DCHS2: variants seen among roughly 807,000 people sequenced by gnomAD.
DCHS2 encodes dachsous cadherin-related 2.
In DCHS2, 142 loss-of-function variants were observed where a neutral mutation model predicts 182.4. The observed-to-expected ratio is 0.78, with a 90% CI of 0.68 to 0.89. DCHS2 has a LOEUF of 0.89. Among genes scored for constraint, DCHS2 ranks in the 40% least tolerant of loss-of-function variants. The pLI is 0.00. For synonymous variants in DCHS2, 1,740 were observed against 1,663.3 expected (o/e 1.05, Z -1.12); for missense variants, 4,319 against 4,198.6 (o/e 1.03, Z -0.79).
At chr4:154,342,280 GC>G (rs1463056920) in intron 3 of DCHS2, among the ~76,000 whole-genome samples, 1 of 152,132 alleles carries the variant, frequency 6.6e-6, no homozygotes. Context: ...TGGTGGAGGG[GC>G]TTGCCTCAAT....
intron 10 of DCHS2, among the ~76,000 whole-genome samples, chr4:154,307,359 G>T (rs1020429672): frequency 6.6e-6 from 1 of 152,152 alleles, no homozygotes; most frequent in African/African-American, 2.4e-5. Context: ...AGATATGTGT[G>T]TGTGTGTGCC....
Position 154,240,534 on chromosome 4 carries a change from T to C in DCHS2, c.7359+3A>G. 1 of 1,613,124 alleles carries C rather than the reference T, an allele frequency of 6.2e-7. No individual in the cohort carries two copies. The highest frequency in any genetic ancestry group is 8.5e-7 in the Non-Finnish European group (1 of 1,179,372). On this transcript the variant is annotated splice_donor_region_variant and intron_variant, in intron 18 of 19. Coordinates refer to ENST00000357232, the MANE Select transcript of DCHS2 (RefSeq NM_001358235.2). The stretch of plus-strand genomic sequence containing the variant: ...GGTTTCGGCATCTCTTTAAGCCCTT[T>C]ACCTGATAGAAATCTTGAGAAAACA...
chr4:154,403,403 AGAT>A (rs1362216964), intron 1 of DCHS2, among the ~76,000 whole-genome samples: 1 of 152,170 alleles, frequency 6.6e-6, no homozygotes, highest in African/African-American at 2.4e-5. Context: ...GCATTTATTT[AGAT>A]GATTATATAA....
intron 13 of DCHS2, among the ~76,000 whole-genome samples, chr4:154,280,792 A>T (rs1255962125): frequency 1.3e-5 from 2 of 151,874 alleles, no homozygotes; most frequent in South Asian, 2.1e-4. Flanking sequence ...AAAAGCATTT[A>T]TGCTAAGATA....
At chr4:154,255,783 A>T in intron 15 of DCHS2, 113 bp from the exon 16 acceptor site, 5 of 1,390,784 alleles carry the variant, frequency 3.6e-6, no homozygotes, top group Non-Finnish European at 4.7e-6. Flanking sequence ...CATATTTTAA[A>T]AACAACGATG....
intron 1 of DCHS2, among the ~76,000 whole-genome samples, chr4:154,454,267 G>A (rs1734667205): frequency 6.6e-6 from 1 of 151,932 alleles, no homozygotes; most frequent in South Asian, 2.1e-4. Flanking sequence ...GTTTTGAGAT[G>A]GTGTATCTCT....
intron 1 of DCHS2, among the ~76,000 whole-genome samples, chr4:154,464,239 C>T (rs185974316): frequency 6.6e-6 from 1 of 152,188 alleles, no homozygotes; most frequent in African/African-American, 2.4e-5. Context: ...AAATGCTTTG[C>T]GACTTAAGTA....
intron 1 of DCHS2, among the ~76,000 whole-genome samples, chr4:154,409,434 C>T (rs931514792): frequency 2.0e-5 from 3 of 152,124 alleles, no homozygotes; most frequent in Non-Finnish European, 2.9e-5. Flanking sequence ...CCCTGTTCAC[C>T]GAACTCAAAC....
chr4:154,260,046 A>T (rs1035179215), intron 14 of DCHS2, among the ~76,000 whole-genome samples: 2 of 151,850 alleles, frequency 1.3e-5, no homozygotes, highest in African/African-American at 4.8e-5. Context: ...CTGGTCTCGA[A>T]CTCCTGACCT....
In DCHS2 at chr4:154,232,040, CACA is replaced by C. The variant is rs1267419173; in HGVS notation, c.*2493_*2495del. On this transcript the variant is annotated 3_prime_UTR_variant, in exon 20 of 20. Transcript: ENST00000357232. ...GAATTTCATCAGGCAGCCAAAATTC[CACA>C]AGAGACAACTGTCTTTTATTTTATA... The C allele has an allele frequency of 6.6e-6, 1 of 151,686 alleles. No individual in the cohort carries two copies. The highest frequency in any genetic ancestry group is 1.5e-5 in the Non-Finnish European group (1 of 68,006). 9.4% of individuals were successfully genotyped at this position (151,686 alleles called of 1,614,324 possible).
chr4:154,396,196 G>T (rs1403088334), intron 1 of DCHS2, among the ~76,000 whole-genome samples: 2 of 143,796 alleles, frequency 1.4e-5, no homozygotes, highest in Non-Finnish European at 3.1e-5. Context: ...ATTCTCAGCA[G>T]TAGAAGTGTA....
rs141724331 is a variant in DCHS2 at position 154,339,778 on chromosome 4, T to C, written c.2477-4674A>G. 5.4e-3 allele frequency among the ~76,000 whole-genome samples: 823 copies of C among 152,254 alleles called. 4 individuals carry two copies. Among genetic ancestry groups the C allele is most frequent in the South Asian group, 0.016 (79 of 4,822 alleles). ...TTTTAAAATCATGGTATATCTCTAT[T>C]TAATGTAAAAGAAAAATTCATGAAA... On this transcript the variant is annotated intron_variant, in intron 3 of 19. Coordinates refer to ENST00000357232, the MANE Select transcript of DCHS2 (RefSeq NM_001358235.2).
At chr4:154,375,243 T>C (rs1730835468) in intron 2 of DCHS2, among the ~76,000 whole-genome samples, 1 of 152,012 alleles carries the variant, frequency 6.6e-6, no homozygotes, top group Admixed American at 6.6e-5. Flanking sequence ...AGAGAACATC[T>C]TCATATCCCT....
chr4:154,469,198 G>C (rs2111014178), intron 1 of DCHS2, among the ~76,000 whole-genome samples: 2 of 117,408 alleles, frequency 1.7e-5, no homozygotes, highest in East Asian at 5.3e-4. Context: ...GGTGAACTGG[G>C]TAGACACAGG....
At chr4:154,488,864 T>G (rs1728678648) in intron 1 of DCHS2, among the ~76,000 whole-genome samples, 1 of 151,562 alleles carries the variant, frequency 6.6e-6, no homozygotes, top group Non-Finnish European at 1.5e-5. Flanking sequence ...AGAGTGACAC[T>G]CTGTTTGACA....
chr4:154,277,823 C>T (rs1257306439), intron 13 of DCHS2, among the ~76,000 whole-genome samples: 1 of 151,924 alleles, frequency 6.6e-6, no homozygotes, highest in Non-Finnish European at 1.5e-5. Context: ...GGTGGATCAC[C>T]TGAGGTCAGG....
chr4:154,487,643 G>A (rs1439274626), intron 1 of DCHS2, among the ~76,000 whole-genome samples: 1 of 152,162 alleles, frequency 6.6e-6, no homozygotes, highest in Non-Finnish European at 1.5e-5. Flanking sequence ...TTACTTTGCA[G>A]TAGCACCTCA....
At chr4:154,464,798 G>A (rs1180197587) in intron 1 of DCHS2, among the ~76,000 whole-genome samples, 1 of 152,122 alleles carries the variant, frequency 6.6e-6, no homozygotes, top group Non-Finnish European at 1.5e-5. Flanking sequence ...CAAAGGGTTG[G>A]GGAAAGCCCT....
At chr4:154,436,283 C>T (rs1407351365) in intron 1 of DCHS2, among the ~76,000 whole-genome samples, 1 of 152,180 alleles carries the variant, frequency 6.6e-6, no homozygotes, top group Non-Finnish European at 1.5e-5. Flanking sequence ...ATCACTTACA[C>T]TGCCCATTTT....
Sources: allele counts gnomAD v4.1 joint callset (sites outside exome capture counted in the v4.1 genomes callset), GRCh38; gene constraint gnomAD v4.1.1; transcripts MANE v1.5; gene names NCBI Gene and HGNC (gene_info 2026-07-23, HGNC 2026-07-21).